The following ACER2 variants were observed in gnomAD, a reference collection of about 807,000 sequenced individuals.
The protein encoded by ACER2 is alkCDase 2.
In ACER2, 26 loss-of-function variants were observed where a neutral mutation model predicts 34.7. The observed-to-expected ratio is 0.75, with a 90% CI of 0.55 to 1.04. ACER2 has a LOEUF of 1.04. Ranked by LOEUF, ACER2 falls within the 50% of genes least tolerant of loss-of-function variation. ACER2 has a pLI of 0.00. For synonymous variants in ACER2, 138 were observed against 132.1 expected, an observed-to-expected ratio of 1.04 and a Z score of -0.31; for missense variants, 352 against 340.8, an observed-to-expected ratio of 1.03 and a Z score of -0.26.
chr9:19,432,568 G>T (rs758634804), intron 3 of ACER2, among the ~76,000 whole-genome samples: 26 of 150,020 alleles, frequency 1.7e-4, no homozygotes, highest in Non-Finnish European at 3.6e-4. Flanking sequence ...GTGTGTGGGT[G>T]TATGTGTGTG....
intron 3 of ACER2, among the ~76,000 whole-genome samples, chr9:19,432,398 G>A (rs1057246950): frequency 1.3e-5 from 2 of 152,000 alleles, no homozygotes; most frequent in Admixed American, 6.6e-5. Context: ...TTTGTAGAAC[G>A]GGGGGTGACA....
At chr9:19,416,090 T>G (rs1292769614) in intron 1 of ACER2, among the ~76,000 whole-genome samples, 3 of 150,950 alleles carry the variant, frequency 2.0e-5, no homozygotes, top group African/African-American at 4.9e-5. Context: ...AACACATTCA[T>G]GTATATGAAG....
Position 19,450,430 on chromosome 9 carries a change from C to A in ACER2, c.642-20C>A. 1.3e-6 allele frequency: 2 copies of A among 1,571,840 alleles called. No individual in the cohort carries two copies. Among genetic ancestry groups the A allele is most frequent in the Non-Finnish European group, 1.7e-6 (2 of 1,148,510 alleles). On this transcript the variant is annotated intron_variant, in intron 5 of 5. Coordinates refer to ENST00000340967, the MANE Select transcript of ACER2 (RefSeq NM_001010887.3). ...AGTCTTCATGCTCATCAGGTTCTCA[C>A]CTCTTGTCTCCCTCTGCAGGCACAT...
In ACER2 at chr9:19,422,122, C is replaced by CAA. The variant is rs57946946; in HGVS notation, c.109-1726_109-1725dup. 1.9e-3 allele frequency among the ~76,000 whole-genome samples: 252 copies of CAA among 131,578 alleles called. 1 individual carries two copies. The highest frequency in any genetic ancestry group is 5.7e-3 in the African/African-American group (204 of 35,528). The allele number at this position is 131,578 out of a possible 152,430, so 86.3% of individuals were successfully genotyped here. A position where few individuals can be genotyped will look rare whatever the true frequency, so the allele number is the denominator to read the frequency against. On this transcript the variant is annotated intron_variant, in intron 1 of 5. Coordinates refer to ENST00000340967, the MANE Select transcript of ACER2 (RefSeq NM_001010887.3). ...AACATAGTGAGACCACCATCTCTAC[C>CAA]AAAAAAAAAAAAAAATTATAATAAT... is the stretch of plus-strand genomic sequence containing the variant.
intron 4 of ACER2, among the ~76,000 whole-genome samples, chr9:19,440,782 G>A (rs955081556): frequency 2.0e-5 from 3 of 152,024 alleles, no homozygotes; most frequent in Admixed American, 6.6e-5. Context: ...CTAAACTTAC[G>A]TCTCCAACCC....
intron 5 of ACER2, among the ~76,000 whole-genome samples, chr9:19,448,110 TGATTCTCCCACCTCACCCCCTGC>T (rs947747275): frequency 3.0e-4 from 45 of 148,698 alleles, no homozygotes; most frequent in African/African-American, 9.5e-4. Context: ...GGACTGAAAG[TGATTCTCCCACCTCACCCCCTGC>T]AGGGAGCTGG....
intron 1 of ACER2, among the ~76,000 whole-genome samples, chr9:19,418,169 A>G (rs1830291392): frequency 6.6e-6 from 1 of 152,240 alleles, no homozygotes; most frequent in South Asian, 2.1e-4. Flanking sequence ...GCCAGTTAGA[A>G]TGGCGATCAT....
At chr9:19,414,161 C>T (rs1010655364) in intron 1 of ACER2, among the ~76,000 whole-genome samples, 4 of 152,180 alleles carry the variant, frequency 2.6e-5, no homozygotes, top group Admixed American at 2.0e-4. Flanking sequence ...ACGTCCCATG[C>T]CTTGGGAAGC....
In ACER2 at chr9:19,452,018, G is replaced by A. The variant is rs1375305147; in HGVS notation, c.*1382G>A. 2 of 152,580 alleles carry A rather than the reference G, an allele frequency of 1.3e-5. 1 individual carries two copies. Among genetic ancestry groups the A allele is most frequent in the South Asian group, 4.1e-4 (2 of 4,830 alleles). 9.5% of individuals were successfully genotyped at this position (152,580 alleles called of 1,614,324 possible). A position where few individuals can be genotyped will look rare whatever the true frequency, so the allele number is the denominator to read the frequency against. On this transcript the variant is annotated 3_prime_UTR_variant, in exon 6 of 6. Transcript: ENST00000340967. ...GTCGCTGGTGCAGCAGCGCAAATCT[G>A]TTGCCTTCTGAATTTTTCTCACCTA...
At chr9:19,437,765 C>T (rs1377194631) in intron 4 of ACER2, among the ~76,000 whole-genome samples, 1 of 152,176 alleles carries the variant, frequency 6.6e-6, no homozygotes, top group Non-Finnish European at 1.5e-5. Context: ...CTGCAATGTG[C>T]ATCCTAGACA....
At chr9:19,424,584 G>A in intron 2 of ACER2, 116 bp from the exon 3 acceptor site, 1 of 1,505,330 alleles carries the variant, frequency 6.6e-7, no homozygotes, top group East Asian at 2.3e-5. Context: ...TTTTTTCAGA[G>A]AGAGAGTGAT....
intron 4 of ACER2, among the ~76,000 whole-genome samples, chr9:19,438,157 G>C (rs1281035311): frequency 6.6e-6 from 1 of 152,160 alleles, no homozygotes; most frequent in African/African-American, 2.4e-5. Flanking sequence ...GAAACTTTGG[G>C]CATTTACTTC....
chr9:19,450,313 C>T lies in ACER2; in HGVS notation c.642-137C>T, dbSNP rs1831520429. 11 of 1,326,276 alleles carry T rather than the reference C, an allele frequency of 8.3e-6. No individual in the cohort carries two copies. The South Asian group carries it at 2.2e-4, about 27-fold the overall frequency. The allele number at this position is 1,326,276 out of a possible 1,614,324, so 82.2% of individuals were successfully genotyped here. A position where few individuals can be genotyped will look rare whatever the true frequency, so the allele number is the denominator to read the frequency against. On this transcript the variant is annotated intron_variant, in intron 5 of 5. Transcript: ENST00000340967. The stretch of plus-strand genomic sequence containing the variant: ...GGATTGTTGGTAATCTTCATCCTTT[C>T]CTAATTAGAAGAGGCCCCTGGGCTG...
intron 4 of ACER2, among the ~76,000 whole-genome samples, chr9:19,443,644 G>C (rs933409479): frequency 5.3e-5 from 8 of 151,862 alleles, no homozygotes; most frequent in African/African-American, 1.7e-4. Context: ...TGGGATTCTA[G>C]GCTAGTTTGT....
In ACER2 at chr9:19,446,070, A is replaced by G. The variant is rs760729899; in HGVS notation, c.504-211A>G. 5 of 780,534 alleles carry G rather than the reference A, an allele frequency of 6.4e-6. No individual in the cohort carries two copies. The Admixed American group carries it at 8.7e-5, about 14-fold the overall frequency. The allele number at this position is 780,534 out of a possible 1,614,324, so 48.4% of individuals were successfully genotyped here. A position where few individuals can be genotyped will look rare whatever the true frequency, so the allele number is the denominator to read the frequency against. On this transcript the variant is annotated intron_variant, in intron 4 of 5. Transcript: ENST00000340967. Reference sequence around the variant, plus strand: ...GTGTATGAGTCTGGAGTCAGGAGAGAAGCCTGGGTGGGAAGGGTGTCTGTG... The same window carrying G: ...GTGTATGAGTCTGGAGTCAGGAGAGGAGCCTGGGTGGGAAGGGTGTCTGTG...
chr9:19,451,106 G>T lies in ACER2; in HGVS notation c.*470G>T, dbSNP rs1437334412. The T allele has an allele frequency of 2.6e-5, 4 of 153,094 alleles. 1 individual carries two copies. The highest frequency in any genetic ancestry group is 9.7e-5 in the African/African-American group (4 of 41,444). 9.5% of individuals were successfully genotyped at this position (153,094 alleles called of 1,614,324 possible). ...ATCTTTCTCAGCATCACTTCCAGAT[G>T]CAGTGACTTGTTGGGCTGCGTCCTT... On this transcript the variant is annotated 3_prime_UTR_variant, in exon 6 of 6. Transcript: ENST00000340967.
At chr9:19,417,386 T>G (rs544159463) in intron 1 of ACER2, among the ~76,000 whole-genome samples, 1 of 152,278 alleles carries the variant, frequency 6.6e-6, no homozygotes, top group South Asian at 2.1e-4. Flanking sequence ...TTAAATTTCA[T>G]ATGGAAACAA....
chr9:19,409,198 G>C lies in ACER2; in HGVS notation c.108+6G>C. On this transcript the variant is annotated splice_donor_region_variant and intron_variant, in intron 1 of 5. Transcript: ENST00000340967. ...TCGCCGAGTTCTACAACACGGTGCG[G>C]GGCGCGGGAGCGGGGAAGGCAGGCG... 1.3e-6 allele frequency: 2 copies of C among 1,576,244 alleles called. No homozygotes were observed. Among genetic ancestry groups the C allele is most frequent in the Non-Finnish European group, 8.6e-7 (1 of 1,161,186 alleles).
At position 19,446,127 on chromosome 9, in the gene ACER2, A is replaced by G. The variant is rs1423179995; in HGVS notation, c.504-154A>G. 4.6e-6 allele frequency: 5 copies of G among 1,081,066 alleles called. No homozygotes were observed. The African/African-American group carries it at 4.6e-5, about 10-fold the overall frequency. The allele number at this position is 1,081,066 out of a possible 1,614,324, so 67.0% of individuals were successfully genotyped here. The stretch of plus-strand genomic sequence containing the variant: ...CTGTGTACATATGGTATTTACATCC[A>G]TGAGACTGTGGAGTGACTGTGTGTT... On this transcript the variant is annotated intron_variant, in intron 4 of 5. Coordinates refer to ENST00000340967, the MANE Select transcript of ACER2 (RefSeq NM_001010887.3).
Sources: gnomAD v4.1 joint callset for allele counts (sites outside exome capture counted in the v4.1 genomes callset) on GRCh38, gnomAD v4.1.1 for gene constraint, MANE v1.5 for transcripts, NCBI Gene and HGNC (gene_info 2026-07-23, HGNC 2026-07-21) for gene names.